The following ZNF3 variants were observed in gnomAD, a reference collection of about 807,000 sequenced individuals.
ZNF3 encodes the protein zinc finger protein 3.
In ZNF3, 16 loss-of-function variants were observed where a neutral mutation model predicts 36.9. That is an observed-to-expected ratio of 0.43 (90% CI 0.29 to 0.66). The LOEUF (loss-of-function observed/expected upper bound fraction) is 0.66, where lower values mean the gene tolerates loss of function less well. ZNF3 is among the 30% of genes least tolerant of loss of function. ZNF3 has a pLI of 0.13. For missense variants in ZNF3, 462 were observed against 543.1 expected (o/e 0.85, Z 1.48); for synonymous variants, 201 against 201.9 (o/e 1.00, Z 0.04).
intron 3 of ZNF3, 69 bp from the exon 4 acceptor site, chr7:100,075,699 C>T: frequency 6.6e-7 from 1 of 1,508,452 alleles, no homozygotes; most frequent in South Asian, 1.2e-5. Context: ...GCTGACTTCC[C>T]AACCCACAGA....
chr7:100,080,749 T>C (rs930533745), intron 1 of ZNF3, among the ~76,000 whole-genome samples: 2 of 152,002 alleles, frequency 1.3e-5, no homozygotes, highest in African/African-American at 2.4e-5. Context: ...GAGGCGGAGG[T>C]TGCAGTGAGC....
At chr7:100,064,654 T>C in exon 6 of ZNF3, 3 of 1,603,248 alleles carry the variant, frequency 1.9e-6, no homozygotes, top group Non-Finnish European at 2.6e-6. Flanking sequence ...TGTTTTAAAC[T>C]TTAGAATCTG....
At chr7:100,080,443 A>T (rs1326993489) in intron 1 of ZNF3, among the ~76,000 whole-genome samples, 1 of 151,746 alleles carries the variant, frequency 6.6e-6, no homozygotes, top group Non-Finnish European at 1.5e-5. Flanking sequence ...ATGGTGAGCC[A>T]TGATGGCACC....
At chr7:100,075,104 C>G in intron 5 of ZNF3, 31 bp downstream of exon 5, 1 of 1,559,876 alleles carries the variant, frequency 6.4e-7, no homozygotes, top group Non-Finnish European at 8.7e-7. Flanking sequence ...GAAACACCAG[C>G]GAGTTTTGTT....
Position 100,070,973 on chromosome 7 carries a change from T to C in ZNF3, c.*170A>G. 2 of 1,431,784 alleles carry C rather than the reference T, an allele frequency of 1.4e-6. No homozygotes were observed. The highest frequency in any genetic ancestry group is 1.6e-5 in the South Asian group (1 of 61,236). 88.7% of individuals were successfully genotyped at this position (1,431,784 alleles called of 1,614,324 possible). On this transcript the variant is annotated 3_prime_UTR_variant, in exon 6 of 6. Coordinates refer to ENST00000299667, the MANE Select transcript of ZNF3 (RefSeq NM_032924.5). ...GCCATCCACTTGCCTTGACGCTTTC[T>C]AAGGCTGGTGTGATTTCTGGGAAAA...
chr7:100,075,762 T>A, intron 3 of ZNF3, 132 bp from the exon 4 acceptor site: 1 of 810,150 alleles, frequency 1.2e-6, no homozygotes, highest in Non-Finnish European at 2.0e-6. Context: ...CATTTCTAAG[T>A]TTGCTTCCTC....
downstream of ZNF3, among the ~76,000 whole-genome samples, chr7:100,066,865 T>A (rs1028941164): frequency 3.3e-5 from 5 of 150,098 alleles, no homozygotes; most frequent in African/African-American, 1.2e-4. Flanking sequence ...TGAGACCCTG[T>A]CTCTACTAAA....
exon 6 of ZNF3, chr7:100,064,212 A>G: frequency 6.2e-7 from 1 of 1,614,138 alleles, no homozygotes. Flanking sequence ...AGTGTGGAAA[A>G]GCTTTTGGGC....
chr7:100,073,387 C>T (rs577718901), intron 5 of ZNF3, among the ~76,000 whole-genome samples: 2 of 152,230 alleles, frequency 1.3e-5, no homozygotes, highest in South Asian at 2.1e-4. Context: ...CTCACTCTAT[C>T]GCCCAGGATG....
At chr7:100,067,770 G>A (rs1792723749), downstream of ZNF3, among the ~76,000 whole-genome samples, 3 of 152,286 alleles carry the variant, frequency 2.0e-5, no homozygotes, top group Non-Finnish European at 2.9e-5. Context: ...CCATGTATCA[G>A]CTACTGCTAC....
downstream of ZNF3, among the ~76,000 whole-genome samples, chr7:100,066,945 G>A (rs761954993): frequency 1.1e-4 from 17 of 152,168 alleles, no homozygotes; most frequent in Non-Finnish European, 2.1e-4. Context: ...TAAGGCAGGA[G>A]AATTGCTTCA....
At chr7:100,067,323 G>A (rs990175719), downstream of ZNF3, among the ~76,000 whole-genome samples, 6 of 152,058 alleles carry the variant, frequency 3.9e-5, no homozygotes, top group Non-Finnish European at 8.8e-5. Context: ...CTCAGATCTC[G>A]TGTAAGAAAT....
chr7:100,075,676 G>T lies in ZNF3; in HGVS notation c.56-46C>A, dbSNP rs755337615. On this transcript the variant is annotated intron_variant, in intron 3 of 5. Coordinates refer to ENST00000299667, the MANE Select transcript of ZNF3 (RefSeq NM_032924.5). The stretch of plus-strand genomic sequence containing the variant: ...CCAGGAATGAGTCCATCTGCTCTGT[G>T]ACCTCCCAACCTGCTGACTTCCCAA... 13 of 1,590,642 alleles carry T rather than the reference G, an allele frequency of 8.2e-6. 1 individual carries two copies. In the South Asian group the frequency reaches 1.5e-4, roughly 18 times the overall value.
In ZNF3 at chr7:100,064,760, C is replaced by G. The variant is rs145531972; in HGVS notation, c.*28G>C. ...AGGGGATGCCTGAGGAGTGCGAGCT[C>G]CACAGCAACATGGCAGGCAGGAGGT... is the stretch of plus-strand genomic sequence containing the variant. On this transcript the variant is annotated 3_prime_UTR_variant, in exon 6 of 6. Transcript: ENST00000413658. 608 of 1,614,070 alleles carry G rather than the reference C, an allele frequency of 3.8e-4. 7 individuals carry two copies. The East Asian group carries it at 0.012, about 32-fold the overall frequency.
In ZNF3 at chr7:100,071,252, A is replaced by T. The variant is rs1562861482; in HGVS notation, c.1232T>A (p.Leu411His). 3.7e-6 allele frequency: 6 copies of T among 1,614,240 alleles called. No individual in the cohort carries two copies. The highest frequency in any genetic ancestry group is 2.5e-6 in the Non-Finnish European group (3 of 1,180,028). The stretch of plus-strand genomic sequence containing the variant: ...AGTGTGAATTCTCTGATGGCGAACA[A>T]GAGCCGAGCTGTACCTGAAGGCTTT... ...CGKAFRYSSA[L>H]VRHQRIHTGE... Residue 411 changes from leucine to histidine, a missense_variant, in exon 6 of 6, where the codon CTT becomes CAT. Coordinates refer to ENST00000299667, the MANE Select transcript of ZNF3 (RefSeq NM_032924.5).
intron 2 of ZNF3, among the ~76,000 whole-genome samples, chr7:100,078,036 T>G (rs13223792): frequency 0.26 from 39,100 of 151,678 alleles, 5,268 homozygotes; most frequent in East Asian, 0.41. Flanking sequence ...AGCCTCAGAC[T>G]AGTCTTTTAG....
chr7:100,070,655 C>A lies in ZNF3; in HGVS notation c.*488G>T. 1 of 990,082 alleles carries A rather than the reference C, an allele frequency of 1.0e-6. No homozygotes were observed. The highest frequency in any genetic ancestry group is 1.2e-6 in the Non-Finnish European group (1 of 832,568). The allele number at this position is 990,082 out of a possible 1,614,324, so 61.3% of individuals were successfully genotyped here. A position where few individuals can be genotyped will look rare whatever the true frequency, so the allele number is the denominator to read the frequency against. On this transcript the variant is annotated 3_prime_UTR_variant, in exon 6 of 6. Transcript: ENST00000299667. ...GCCAAATTTCCATAATTAACGAAAT[C>A]ATGAAACAAAACAGCATGTTTCTTA...
downstream of ZNF3, among the ~76,000 whole-genome samples, chr7:100,068,117 C>T (rs955795931): frequency 6.6e-6 from 1 of 152,038 alleles, no homozygotes; most frequent in Non-Finnish European, 1.5e-5. Context: ...GAGACAGTCT[C>T]GCTCTGTCAC....
At chr7:100,068,793 GACC>G (rs1396423117), downstream of ZNF3, among the ~76,000 whole-genome samples, 3 of 151,942 alleles carry the variant, frequency 2.0e-5, no homozygotes, top group Non-Finnish European at 4.4e-5. Context: ...GAGTAGCTGG[GACC>G]ACAAGTGTGC....
Sources: gnomAD v4.1 joint callset for allele counts (sites outside exome capture counted in the v4.1 genomes callset) on GRCh38, gnomAD v4.1.1 for gene constraint, MANE v1.5 for transcripts, NCBI Gene and HGNC (gene_info 2026-07-23, HGNC 2026-07-21) for gene names.